NCAM2: variants seen among roughly 807,000 people sequenced by gnomAD.
NCAM2 encodes neural cell adhesion molecule 2, also known as N-CAM-2.
A neutral mutation model predicts 98.1 loss-of-function variants in NCAM2; 30 were observed. The ratio of observed to expected loss-of-function variants is 0.31; its 90% CI spans 0.23 to 0.41. The LOEUF (loss-of-function observed/expected upper bound fraction) is 0.41. NCAM2 is among the 10% of genes least tolerant of loss of function. The probability of loss-of-function intolerance (pLI) is 1.00; values close to 1 mark genes in which losing one functional copy is unlikely to be tolerated. For missense variants in NCAM2, 867 were observed against 1,005.8 expected (o/e 0.86, Z 1.87); for synonymous variants, 368 against 342.4 (o/e 1.07, Z -0.83).
chr21:21,355,496 A>G (rs1307968414), intron 8 of NCAM2, among the ~76,000 whole-genome samples: 1 of 145,296 alleles, frequency 6.9e-6, no homozygotes, highest in Non-Finnish European at 1.5e-5. Context: ...AGAGAAAGAA[A>G]GAAAAGAAAT....
intron 1 of NCAM2, among the ~76,000 whole-genome samples, chr21:21,141,293 C>T (rs1378345691): frequency 6.6e-6 from 1 of 152,140 alleles, no homozygotes; most frequent in Non-Finnish European, 1.5e-5. Context: ...TCAGGAGGCA[C>T]ATATTTGTTG....
In NCAM2 at chr21:21,265,206, G is replaced by A. The variant is rs200193333; in HGVS notation, c.56-15372G>A. ...ATATAATATATGTGTGTATGTATGTGTGTATATAGTATATTATATTATATA... is the reference window on the plus strand; with the variant it reads ...ATATAATATATGTGTGTATGTATGTATGTATATAGTATATTATATTATATA... On this transcript the variant is annotated intron_variant, in intron 1 of 17. Transcript: ENST00000400546. Among the ~76,000 whole-genome samples, 144 of 120,032 alleles carry A rather than the reference G, an allele frequency of 1.2e-3. 1 individual carries two copies. In the East Asian group the frequency reaches 0.035, roughly 29 times the overall value. The allele number at this position is 120,032 out of a possible 152,430, so 78.7% of individuals were successfully genotyped here. A position where few individuals can be genotyped will look rare whatever the true frequency, so the allele number is the denominator to read the frequency against.
At chr21:21,020,308 T>G (rs2064405740) in intron 1 of NCAM2, among the ~76,000 whole-genome samples, 1 of 152,144 alleles carries the variant, frequency 6.6e-6, no homozygotes, top group Non-Finnish European at 1.5e-5. Context: ...AGAGCTGGGC[T>G]TACAGGCGTG....
At chr21:21,227,770 T>C (rs2070448266) in intron 1 of NCAM2, among the ~76,000 whole-genome samples, 1 of 151,728 alleles carries the variant, frequency 6.6e-6, no homozygotes, top group Non-Finnish European at 1.5e-5. Context: ...GCTATCTGAA[T>C]GGAAAAAAAT....
chr21:21,417,327 A>C (rs759490011), intron 10 of NCAM2, among the ~76,000 whole-genome samples: 14 of 152,132 alleles, frequency 9.2e-5, no homozygotes, highest in Admixed American at 9.2e-4. Context: ...ATCACTTAGC[A>C]GTAATTATGT....
Position 21,541,275 on chromosome 21 carries a change from A to G in NCAM2, c.*3318A>G, listed in dbSNP as rs547161146. 9.9e-5 allele frequency: 15 copies of G among 151,802 alleles called. No homozygotes were observed. The highest frequency in any genetic ancestry group is 3.4e-4 in the African/African-American group (14 of 41,530). 9.4% of individuals were successfully genotyped at this position (151,802 alleles called of 1,614,324 possible). A position where few individuals can be genotyped will look rare whatever the true frequency, so the allele number is the denominator to read the frequency against. ...GAAAAAAACTACAATTAACATCATT[A>G]CTAGTATATTTTGCTTAGATTTGAG... is the stretch of plus-strand genomic sequence containing the variant. On this transcript the variant is annotated 3_prime_UTR_variant, in exon 18 of 18. Coordinates refer to ENST00000400546, the MANE Select transcript of NCAM2 (RefSeq NM_004540.5).
chr21:21,225,091 G>T (rs1020183313), intron 1 of NCAM2, among the ~76,000 whole-genome samples: 3 of 152,090 alleles, frequency 2.0e-5, no homozygotes, highest in Non-Finnish European at 4.4e-5. Context: ...GAAAGGAATA[G>T]ATCATGTTCT....
chr21:21,469,451 A>G (rs1301833747), intron 14 of NCAM2, among the ~76,000 whole-genome samples: 1 of 152,016 alleles, frequency 6.6e-6, no homozygotes, highest in African/African-American at 2.4e-5. Context: ...ATTTTTTTCC[A>G]TAAGTACCTT....
At chr21:21,294,239 GAAAT>G (rs2073397035) in intron 5 of NCAM2, among the ~76,000 whole-genome samples, 2 of 151,242 alleles carry the variant, frequency 1.3e-5, no homozygotes, top group Non-Finnish European at 3.0e-5. Context: ...TCATTTTAAA[GAAAT>G]GATTATTCAG....
intron 1 of NCAM2, among the ~76,000 whole-genome samples, chr21:21,025,247 G>A (rs1255787899): frequency 5.3e-5 from 8 of 151,888 alleles, no homozygotes; most frequent in Admixed American, 2.0e-4. Flanking sequence ...CACCATGCCC[G>A]GCTAATTGTT....
chr21:21,309,840 A>AT (rs1424772893), intron 5 of NCAM2, among the ~76,000 whole-genome samples: 2 of 73,454 alleles, frequency 2.7e-5, no homozygotes, highest in African/African-American at 7.7e-5. Context: ...GACTCACCTC[A>AT]TTTCCCCCCA....
intron 9 of NCAM2, among the ~76,000 whole-genome samples, chr21:21,394,533 G>GGCTGGAC (rs1015744202): frequency 1.3e-4 from 16 of 120,110 alleles, no homozygotes; most frequent in African/African-American, 5.2e-4. Flanking sequence ...CTGTTGCCCA[G>GGCTGGAC]GCTGGACTGC....
chr21:21,108,335 C>T (rs147409027), intron 1 of NCAM2, among the ~76,000 whole-genome samples: 9 of 152,070 alleles, frequency 5.9e-5, no homozygotes, highest in South Asian at 2.1e-4. Context: ...ATTTCATTCA[C>T]GGTTTAATTT....
chr21:21,134,161 C>T lies in NCAM2; in HGVS notation c.55+135543C>T, dbSNP rs1007070689. 2.5e-4 allele frequency among the ~76,000 whole-genome samples: 38 copies of T among 151,638 alleles called. 1 individual carries two copies. The highest frequency in any genetic ancestry group is 5.9e-5 in the Non-Finnish European group (4 of 67,958). On this transcript the variant is annotated intron_variant, in intron 1 of 17. Coordinates refer to ENST00000400546, the MANE Select transcript of NCAM2 (RefSeq NM_004540.5). ...TTGGCTCACTGCAACCTCCGCCTCCCGGGTCCAGGAGATTCTCCTGCGTCA... is the reference window on the plus strand; with the variant it reads ...TTGGCTCACTGCAACCTCCGCCTCCTGGGTCCAGGAGATTCTCCTGCGTCA...
rs1309764919 is a variant in NCAM2 at position 21,410,328 on chromosome 21, C to T, written c.1250C>T (p.Pro417Leu). The change falls in exon 10 of 18, where the codon CCT (proline) becomes CTT (leucine). Residue 417 changes from proline (P) to leucine (L), a missense_variant. Pro to Leu is a moderately conservative substitution (Grantham distance 98, BLOSUM62 -3). Around this residue, in one of 5 missense-constraint regions of NCAM2, gnomAD observed 5 missense variants for 20.5 expected, o/e 0.24. Coordinates refer to ENST00000400546, the MANE Select transcript of NCAM2 (RefSeq NM_004540.5). Reference protein sequence around the residue: ...QTIYYSWEGNPINISCDVKSN... With the variant: ...QTIYYSWEGNLINISCDVKSN... Reference sequence around the variant, plus strand: ...ATTTATTACTCTTGGGAAGGAAATCCTATCAATATAAGTTGTGATGTGAAA... The same window carrying T: ...ATTTATTACTCTTGGGAAGGAAATCTTATCAATATAAGTTGTGATGTGAAA... 1.9e-6 allele frequency: 3 copies of T among 1,596,950 alleles called. No individual in the cohort carries two copies. Among genetic ancestry groups the T allele is most frequent in the Non-Finnish European group, 2.6e-6 (3 of 1,170,962 alleles).
At position 21,121,207 on chromosome 21, in the gene NCAM2, T is replaced by C. The variant is rs147450793; in HGVS notation, c.55+122589T>C. On this transcript the variant is annotated intron_variant, in intron 1 of 17. Coordinates refer to ENST00000400546, the MANE Select transcript of NCAM2 (RefSeq NM_004540.5). Reference sequence around the variant, plus strand: ...AAGTATGAGTGATTGCATTCTGACATGTTAATTTCAATAGCTTCTTATTAG... The same window carrying C: ...AAGTATGAGTGATTGCATTCTGACACGTTAATTTCAATAGCTTCTTATTAG... 6.2e-3 allele frequency among the ~76,000 whole-genome samples: 939 copies of C among 152,328 alleles called. 5 individuals carry two copies. The highest frequency in any genetic ancestry group is 0.01 in the Non-Finnish European group (701 of 68,030).
chr21:21,525,090 C>T (rs1048572342), intron 16 of NCAM2, among the ~76,000 whole-genome samples: 2 of 151,920 alleles, frequency 1.3e-5, no homozygotes, highest in Non-Finnish European at 2.9e-5. Flanking sequence ...AGACCTCTAC[C>T]TCAGGAAACT....
Position 21,343,056 on chromosome 21 carries a change from C to G in NCAM2, c.1044+4522C>G, listed in dbSNP as rs1240664275. Among the ~76,000 whole-genome samples, 3 of 152,170 alleles carry G rather than the reference C, an allele frequency of 2.0e-5. No individual in the cohort carries two copies. In the East Asian group the frequency reaches 5.8e-4, roughly 29 times the overall value. On this transcript the variant is annotated intron_variant, in intron 8 of 17. Coordinates refer to ENST00000400546, the MANE Select transcript of NCAM2 (RefSeq NM_004540.5). ...AATTTAAATTATATTTCCATTTAAT[C>G]AAATAATTGAAAAGTCAGAAGAAGC...
intron 1 of NCAM2, among the ~76,000 whole-genome samples, chr21:21,082,290 A>C (rs527375949): frequency 0.053 from 7,851 of 149,300 alleles, 714 homozygotes; most frequent in African/African-American, 0.18. Flanking sequence ...ACAAAAAAAA[A>C]AAAACAAAAC....
Sources: allele counts gnomAD v4.1 joint callset (sites outside exome capture counted in the v4.1 genomes callset), GRCh38; gene constraint gnomAD v4.1.1; regional missense constraint gnomAD v4.1.1; transcripts MANE v1.5; gene names NCBI Gene and HGNC (gene_info 2026-07-23, HGNC 2026-07-21).